Variants in FAM241A observed in about 807,000 individuals in gnomAD.
FAM241A encodes uncharacterized protein FAM241A.
Under a neutral mutation model 12.2 loss-of-function variants are expected in FAM241A, and 7 were observed. That is an observed-to-expected ratio of 0.58 (90% CI 0.33 to 1.08). FAM241A has a LOEUF of 1.08. Among genes scored for constraint, FAM241A ranks in the 50% least tolerant of loss-of-function variants. The pLI, the probability that FAM241A is intolerant of heterozygous loss-of-function variation, is 0.04. For missense variants in FAM241A, 161 were observed against 169.7 expected (o/e 0.95, Z 0.29); for synonymous variants, 74 against 68.2 (o/e 1.08, Z -0.42).
intron 1 of FAM241A, among the ~76,000 whole-genome samples, chr4:112,159,683 C>T (rs1723421381): frequency 6.6e-6 from 1 of 152,168 alleles, no homozygotes; most frequent in Admixed American, 6.5e-5. Flanking sequence ...ACCATATGAT[C>T]ATTTCAATTG....
Position 112,188,814 on chromosome 4 carries a change from A to C in FAM241A, c.*1876A>C, listed in dbSNP as rs886708281. The C allele has an allele frequency of 6.6e-6, 1 of 152,274 alleles. No individual in the cohort carries two copies. Among genetic ancestry groups the C allele is most frequent in the Non-Finnish European group, 1.5e-5 (1 of 68,018 alleles). 9.4% of individuals were successfully genotyped at this position (152,274 alleles called of 1,614,324 possible). Reference sequence around the variant, plus strand: ...TGAAAACATTTTTAAAGTAATTTTTAATACTAACTATTTAGTATACTGTCA... The same window carrying C: ...TGAAAACATTTTTAAAGTAATTTTTCATACTAACTATTTAGTATACTGTCA... On this transcript the variant is annotated 3_prime_UTR_variant, in exon 2 of 2. Coordinates refer to ENST00000309733, the MANE Select transcript of FAM241A (RefSeq NM_152400.3).
chr4:112,150,741 T>A (rs1723230733), intron 1 of FAM241A, among the ~76,000 whole-genome samples: 1 of 152,254 alleles, frequency 6.6e-6, no homozygotes, highest in Admixed American at 6.5e-5. Context: ...GTTTGCCTTT[T>A]ATTGACTGTA....
At chr4:112,185,349 T>C (rs1011388390) in intron 1 of FAM241A, among the ~76,000 whole-genome samples, 1 of 152,188 alleles carries the variant, frequency 6.6e-6, no homozygotes, top group African/African-American at 2.4e-5. Flanking sequence ...CAGATCAGCA[T>C]CATAAGCATC....
chr4:112,184,866 C>T (rs1376751746), intron 1 of FAM241A, among the ~76,000 whole-genome samples: 1 of 151,966 alleles, frequency 6.6e-6, no homozygotes, highest in Non-Finnish European at 1.5e-5. Flanking sequence ...ATTTACTGAT[C>T]GATGACTGAA....
At chr4:112,179,943 A>ATATATATATATATATATG (rs1553921438) in intron 1 of FAM241A, among the ~76,000 whole-genome samples, 34 of 129,436 alleles carry the variant, frequency 2.6e-4, no homozygotes, top group African/African-American at 3.2e-4. Flanking sequence ...ATATATGTAT[A>ATATATATATATATATATG]TGTGTGTGTG....
At chr4:112,146,272 A>T (rs1247793831) in intron 1 of FAM241A, among the ~76,000 whole-genome samples, 2 of 151,898 alleles carry the variant, frequency 1.3e-5, no homozygotes, top group Admixed American at 6.6e-5. Flanking sequence ...CTTGACAGGG[A>T]CTCTCCCAGA....
Position 112,192,686 on chromosome 4 carries a change from T to G in FAM241A, c.*5748T>G, listed in dbSNP as rs561386114. 4.6e-5 allele frequency: 7 copies of G among 151,602 alleles called. No homozygotes were observed. The highest frequency in any genetic ancestry group is 1.7e-4 in the African/African-American group (7 of 41,234). The allele number at this position is 151,602 out of a possible 1,614,324, so 9.4% of individuals were successfully genotyped here. On this transcript the variant is annotated 3_prime_UTR_variant, in exon 2 of 2. Transcript: ENST00000309733. Reference sequence around the variant, plus strand: ...ACAAAGGACATGAACTCATCCTTTTTTATGGCTGCATAGTATTCCATGGTG... The same window carrying G: ...ACAAAGGACATGAACTCATCCTTTTGTATGGCTGCATAGTATTCCATGGTG...
intron 1 of FAM241A, among the ~76,000 whole-genome samples, chr4:112,176,480 C>CA (rs1723823880): frequency 6.6e-6 from 1 of 152,202 alleles, no homozygotes. Flanking sequence ...TGATACATGA[C>CA]GGAGCAGGAT....
chr4:112,145,702 G>A lies in FAM241A; in HGVS notation c.122G>A (p.Arg41Gln). 2 of 1,203,662 alleles carry A rather than the reference G, an allele frequency of 1.7e-6. No individual in the cohort carries two copies. The highest frequency in any genetic ancestry group is 4.2e-5 in the South Asian group (1 of 24,090). 74.6% of individuals were successfully genotyped at this position (1,203,662 alleles called of 1,614,324 possible). A position where few individuals can be genotyped will look rare whatever the true frequency, so the allele number is the denominator to read the frequency against. Residue 41 changes from arginine to glutamine, a missense_variant, in exon 1 of 2, where the codon CGG (arginine) becomes CAG (glutamine). Transcript: ENST00000309733. ...TGWDPGASPR[R>Q]RGQRPKESEQ... ...TGGGATCCCGGGGCGAGCCCGCGGC[G>A]GCGCGGACAGCGGCCGAAGGAGAGC...
chr4:112,171,204 A>C, intron 1 of FAM241A: 1 of 680,146 alleles, frequency 1.5e-6, no homozygotes, highest in Admixed American at 1.9e-5. Flanking sequence ...TGCCGATAGC[A>C]CTCCTGCAAA....
rs1723122455 is a variant in FAM241A at position 112,145,734 on chromosome 4, G to A, written c.153+1G>A. On this transcript the variant is annotated splice_donor_variant, in intron 1 of 1. Transcript: ENST00000309733. LOFTEE classifies it high-confidence loss of function. ...ACAGCGGCCGAAGGAGAGCGAGCAG[G>A]TGAGCGCGGGGAGGGGCGGCGGCGA... 1 of 1,189,416 alleles carries A rather than the reference G, an allele frequency of 8.4e-7. No individual in the cohort carries two copies. The highest frequency in any genetic ancestry group is 1.0e-6 in the Non-Finnish European group (1 of 960,710). The allele number at this position is 1,189,416 out of a possible 1,614,324, so 73.7% of individuals were successfully genotyped here.
In FAM241A at chr4:112,165,337, C is replaced by T. The variant is rs192436655; in HGVS notation, c.153+19604C>T. Among the ~76,000 whole-genome samples, 40 of 152,268 alleles carry T rather than the reference C, an allele frequency of 2.6e-4. No individual in the cohort carries two copies. The East Asian group carries it at 7.5e-3, about 29-fold the overall frequency. On this transcript the variant is annotated intron_variant, in intron 1 of 1. Transcript: ENST00000309733. ...ATTAGTATGACCACTATGGAGAGAA[C>T]AGTTTGGAGGTTCCTCAAAAAACTA...
In FAM241A at chr4:112,145,556, C is replaced by T; in HGVS notation, c.-25C>T. On this transcript the variant is annotated 5_prime_UTR_variant, in exon 1 of 2. Coordinates refer to ENST00000309733, the MANE Select transcript of FAM241A (RefSeq NM_152400.3). ...GCGGCGTGGTCCTCCGGCGGCTGTCCGGGGCGGTAGGAGTTGGCTGCGGGA... is the reference window on the plus strand; with the variant it reads ...GCGGCGTGGTCCTCCGGCGGCTGTCTGGGGCGGTAGGAGTTGGCTGCGGGA... The T allele has an allele frequency of 8.0e-7, 1 of 1,243,304 alleles. No individual in the cohort carries two copies. Among genetic ancestry groups the T allele is most frequent in the South Asian group, 3.7e-5 (1 of 26,742 alleles). 77.0% of individuals were successfully genotyped at this position (1,243,304 alleles called of 1,614,324 possible).
chr4:112,153,782 C>G (rs372816670), intron 1 of FAM241A, among the ~76,000 whole-genome samples: 2 of 151,998 alleles, frequency 1.3e-5, no homozygotes, highest in East Asian at 1.9e-4. Context: ...TATCAGAGTT[C>G]TAATCAAAAG....
chr4:112,152,315 A>G (rs1160497784), intron 1 of FAM241A, among the ~76,000 whole-genome samples: 3 of 152,308 alleles, frequency 2.0e-5, no homozygotes, highest in East Asian at 1.9e-4. Flanking sequence ...ACATCGTATA[A>G]TGCCATAGTC....
chr4:112,185,824 A>G (rs1157648712), intron 1 of FAM241A, among the ~76,000 whole-genome samples: 3 of 152,298 alleles, frequency 2.0e-5, no homozygotes, highest in Non-Finnish European at 2.9e-5. Flanking sequence ...AGCAGGCACT[A>G]TTGCTGTCGG....
intron 1 of FAM241A, among the ~76,000 whole-genome samples, chr4:112,169,489 C>T (rs1723673004): frequency 6.6e-6 from 1 of 152,146 alleles, no homozygotes; most frequent in African/African-American, 2.4e-5. Flanking sequence ...ATAGCAACAC[C>T]TCTAAGAAAG....
chr4:112,168,907 C>T (rs1047445120), intron 1 of FAM241A, among the ~76,000 whole-genome samples: 4 of 152,112 alleles, frequency 2.6e-5, no homozygotes, highest in Non-Finnish European at 5.9e-5. Context: ...TCAAGTAATC[C>T]GCCTGCCTCG....
intron 1 of FAM241A, among the ~76,000 whole-genome samples, chr4:112,154,194 G>C (rs749272849): frequency 6.6e-6 from 1 of 152,170 alleles, no homozygotes; most frequent in Non-Finnish European, 1.5e-5. Flanking sequence ...GAGAAGGAAA[G>C]TCATTTTTCA....
Sources: gnomAD v4.1 joint callset for allele counts (sites outside exome capture counted in the v4.1 genomes callset) on GRCh38, gnomAD v4.1.1 for gene constraint, MANE v1.5 for transcripts, NCBI Gene and HGNC (gene_info 2026-07-23, HGNC 2026-07-21) for gene names.